The following BCR variants were observed in gnomAD, a reference collection of about 807,000 sequenced individuals.
BCR encodes the protein breakpoint cluster region protein.
BCR carries 58 observed loss-of-function variants against 138.6 expected under a neutral mutation model. The ratio of observed to expected loss-of-function variants is 0.42; its 90% CI spans 0.34 to 0.52. The LOEUF (loss-of-function observed/expected upper bound fraction) is 0.52, where lower values mean the gene tolerates loss of function less well. Ranked by LOEUF, BCR falls within the 20% of genes least tolerant of loss-of-function variation. The pLI, the probability that BCR is intolerant of heterozygous loss-of-function variation, is 0.06. For missense variants in BCR, 1,599 were observed against 1,727.2 expected (o/e 0.93, Z 1.32); for synonymous variants, 786 against 730.1 (o/e 1.08, Z -1.23).
intron 16 of BCR, among the ~76,000 whole-genome samples, chr22:23,305,263 T>A (rs567145785): frequency 3.4e-4 from 52 of 152,188 alleles, no homozygotes; most frequent in Non-Finnish European, 6.3e-4. Flanking sequence ...TAGGTTATAG[T>A]GCAGACACAT....
chr22:23,237,136 C>T (rs935496369), intron 1 of BCR, among the ~76,000 whole-genome samples: 4 of 152,200 alleles, frequency 2.6e-5, no homozygotes, highest in Admixed American at 2.0e-4. Flanking sequence ...ATAGCCACGC[C>T]GCCCCTGTTT....
chr22:23,255,302 C>T (rs2073280942), intron 2 of BCR, among the ~76,000 whole-genome samples: 1 of 152,312 alleles, frequency 6.6e-6, no homozygotes, highest in Admixed American at 6.5e-5. Context: ...ACACAGGCTG[C>T]TGCCTTAGGT....
At chr22:23,306,076 G>A (rs2146323393) in intron 16 of BCR, 1 of 152,358 alleles carries the variant, frequency 6.6e-6, no homozygotes, top group Admixed American at 6.5e-5. Flanking sequence ...CCGCTCTGCG[G>A]CGCACACTCT....
intron 14 of BCR, 112 bp from the exon 15 acceptor site, chr22:23,292,429 T>C: frequency 3.5e-6 from 3 of 864,166 alleles, no homozygotes; most frequent in Non-Finnish European, 3.7e-6. Flanking sequence ...GTTACAACCT[T>C]TTTTTTTTAT....
In BCR at chr22:23,261,487, C is replaced by A; in HGVS notation, c.1699C>A (p.Arg567Ser). 6.2e-7 allele frequency: 1 copy of A among 1,613,624 alleles called. No individual in the cohort carries two copies. Among genetic ancestry groups the A allele is most frequent in the Non-Finnish European group, 8.5e-7 (1 of 1,180,026 alleles). Reference sequence around the variant, plus strand: ...GGAGTTCTATGATGGGCTCTTCCCCCGCGTGCAGCAGTGGAGCCACCAGCA... The same window carrying A: ...GGAGTTCTATGATGGGCTCTTCCCCAGCGTGCAGCAGTGGAGCCACCAGCA... ...HKEFYDGLFP[R>S]VQQWSHQQRV... The change falls in exon 4 of 23, where the codon CGC becomes AGC. Residue 567 changes from arginine (R) to serine (S), a missense_variant. This residue lies in a region of BCR where 590 missense variants were observed against 762.4 expected (regional missense o/e 0.77). Coordinates refer to ENST00000305877, the MANE Select transcript of BCR (RefSeq NM_004327.4).
At chr22:23,287,399 G>A (rs1419046299) in intron 11 of BCR, 121 bp downstream of exon 11, 1 of 1,392,812 alleles carries the variant, frequency 7.2e-7, no homozygotes, top group Non-Finnish European at 9.4e-7. Flanking sequence ...GTCCGGCATG[G>A]TGCATGCAAG....
chr22:23,204,454 G>A (rs1035110792), intron 1 of BCR, among the ~76,000 whole-genome samples: 2 of 140,916 alleles, frequency 1.4e-5, no homozygotes, highest in Non-Finnish European at 2.9e-5. Flanking sequence ...TTTAAGATCC[G>A]TTAGTTTTGT....
chr22:23,254,294 C>T (rs1004070494), intron 2 of BCR, among the ~76,000 whole-genome samples: 2 of 152,116 alleles, frequency 1.3e-5, no homozygotes, highest in African/African-American at 4.8e-5. Context: ...CACTCCTGAG[C>T]CAGGTGGTGT....
chr22:23,274,048 G>A (rs768649577), intron 8 of BCR, among the ~76,000 whole-genome samples: 1 of 152,010 alleles, frequency 6.6e-6, no homozygotes, highest in African/African-American at 2.4e-5. Context: ...TTGTGTCCAG[G>A]GACCCCTTTT....
intron 4 of BCR, among the ~76,000 whole-genome samples, chr22:23,265,241 G>A (rs548948090): frequency 4.6e-5 from 7 of 152,348 alleles, no homozygotes; most frequent in East Asian, 1.9e-4. Context: ...CGGAAGACTC[G>A]GAGGAGAGGC....
At position 23,310,531 on chromosome 22, in the gene BCR, T is replaced by A. The variant is rs371370746; in HGVS notation, c.3182+98T>A. The stretch of plus-strand genomic sequence containing the variant: ...TGTGTGGGTCTCTCCTCTCTGTGCG[T>A]GGCCACTGCACGGTGAGGTCAGGCC... On this transcript the variant is annotated intron_variant, in intron 18 of 22. Transcript: ENST00000305877. 33 of 726,678 alleles carry A rather than the reference T, an allele frequency of 4.5e-5. No individual in the cohort carries two copies. The East Asian group carries it at 8.1e-4, about 18-fold the overall frequency. 45.0% of individuals were successfully genotyped at this position (726,678 alleles called of 1,614,324 possible). A position where few individuals can be genotyped will look rare whatever the true frequency, so the allele number is the denominator to read the frequency against.
intron 1 of BCR, among the ~76,000 whole-genome samples, chr22:23,203,404 G>A (rs924119544): frequency 2.0e-5 from 3 of 152,170 alleles, no homozygotes; most frequent in Admixed American, 6.5e-5. Flanking sequence ...GTGCTAAAAC[G>A]TCTGAGCTGT....
At chr22:23,205,901 C>T (rs145438676) in intron 1 of BCR, among the ~76,000 whole-genome samples, 2,416 of 152,240 alleles carry the variant, frequency 0.016, 94 homozygotes, top group Non-Finnish European at 0.015. Context: ...TGTTTCACAG[C>T]GAGCTGCCTC....
chr22:23,183,294 C>T (rs1315466362), intron 1 of BCR, among the ~76,000 whole-genome samples: 1 of 152,184 alleles, frequency 6.6e-6, no homozygotes, highest in African/African-American at 2.4e-5. Context: ...CTGTTAAGCT[C>T]ATCTGGTTTT....
intron 2 of BCR, among the ~76,000 whole-genome samples, chr22:23,255,998 C>T (rs1020136106): frequency 1.3e-5 from 2 of 152,232 alleles, no homozygotes; most frequent in African/African-American, 4.8e-5. Context: ...GTGGTTGGGG[C>T]CCCAGGACGG....
intron 1 of BCR, among the ~76,000 whole-genome samples, chr22:23,237,765 G>A (rs1439609577): frequency 6.6e-6 from 1 of 152,214 alleles, no homozygotes; most frequent in Non-Finnish European, 1.5e-5. Flanking sequence ...GGATGAGACG[G>A]ACCAGATTGC....
At position 23,297,207 on chromosome 22, in the gene BCR, G is replaced by GTTTTTTT. The variant is rs1307353327; in HGVS notation, c.3012+2058_3012+2059insTTTTTTT. ...GTGCCCCACCATGCCTGGCTAAGTTGTTTTTTGTTTTTTGTTTTTTTTTTT... is the reference window on the plus strand; with the variant it reads ...GTGCCCCACCATGCCTGGCTAAGTTGTTTTTTTTTTTTTGTTTTTTGTTTTTTTTTTT... On this transcript the variant is annotated intron_variant, in intron 16 of 22. Transcript: ENST00000305877. Among the ~76,000 whole-genome samples, 39 of 97,386 alleles carry GTTTTTTT rather than the reference G, an allele frequency of 4.0e-4. 4 individuals carry two copies. The highest frequency in any genetic ancestry group is 1.4e-3 in the East Asian group (5 of 3,496). 63.9% of individuals were successfully genotyped at this position (97,386 alleles called of 152,430 possible).
chr22:23,246,802 T>C (rs1182387357), intron 1 of BCR, among the ~76,000 whole-genome samples: 1 of 152,102 alleles, frequency 6.6e-6, no homozygotes, highest in Non-Finnish European at 1.5e-5. Context: ...TTTGGGTCTT[T>C]TTTGCTGTCA....
chr22:23,235,521 G>A (rs1160325648), intron 1 of BCR, among the ~76,000 whole-genome samples: 2 of 145,260 alleles, frequency 1.4e-5, no homozygotes, highest in South Asian at 2.3e-4. Flanking sequence ...GGACATAGAT[G>A]TCCAGGCCCA....
Sources: gnomAD v4.1 joint callset for allele counts (sites outside exome capture counted in the v4.1 genomes callset) on GRCh38, gnomAD v4.1.1 for gene constraint, gnomAD v4.1.1 regional missense constraint, MANE v1.5 for transcripts, NCBI Gene and HGNC (gene_info 2026-07-23, HGNC 2026-07-21) for gene names.